The following SLC19A1 variants were observed in gnomAD, a reference collection of about 807,000 sequenced individuals.
SLC19A1 encodes the protein reduced folate transporter.
In SLC19A1, 37 loss-of-function variants were observed where a neutral mutation model predicts 35.3. The ratio of observed to expected loss-of-function variants is 1.05; its 90% CI spans 0.81 to 1.38. The LOEUF (loss-of-function observed/expected upper bound fraction) is 1.38, where lower values mean the gene tolerates loss of function less well. Among genes scored for constraint, SLC19A1 ranks in the 40% most tolerant of loss-of-function variants. The probability of loss-of-function intolerance (pLI) is 0.00; values close to 1 mark genes in which losing one functional copy is unlikely to be tolerated. For missense variants in SLC19A1, 831 were observed against 826.9 expected (o/e 1.00, Z -0.06); for synonymous variants, 460 against 398.5 (o/e 1.15, Z -1.84).
intron 1 of SLC19A1, among the ~76,000 whole-genome samples, chr21:45,556,381 C>T (rs1326783444): frequency 3.3e-5 from 5 of 152,230 alleles, no homozygotes; most frequent in African/African-American, 4.8e-5. Context: ...GAGCCAGACC[C>T]GCTCGTCAGC....
intron 1 of SLC19A1, among the ~76,000 whole-genome samples, chr21:45,554,636 G>T (rs1181777603): frequency 6.8e-6 from 1 of 146,272 alleles, no homozygotes; most frequent in Non-Finnish European, 1.5e-5. Context: ...GGGCAGCGGC[G>T]TGGAAACTTC....
chr21:45,532,214 C>T (rs1271469017), intron 2 of SLC19A1, 66 bp from the exon 3 acceptor site: 15 of 1,373,292 alleles, frequency 1.1e-5, no homozygotes, highest in East Asian at 2.3e-5. Context: ...AGACACAGCC[C>T]GCCCGAGGTG....
chr21:45,520,447 C>CA (rs1410262601), intron 5 of SLC19A1, among the ~76,000 whole-genome samples: 1 of 152,042 alleles, frequency 6.6e-6, no homozygotes, highest in Non-Finnish European at 1.5e-5. Context: ...AAACAAAGGC[C>CA]AAAAAATGGA....
chr21:45,504,603 G>C, intron 3 of SLC19A1: 1 of 1,530,128 alleles, frequency 6.5e-7, no homozygotes, highest in Non-Finnish European at 8.8e-7. Context: ...AGGGGTCTGG[G>C]TGCAGGAGCC....
chr21:45,515,213 A>G lies in SLC19A1; in HGVS notation c.*445T>C. ...AAAAGCAAGAGCACCAAGGATGACC[A>G]GCAATGTCACAGCTCAGCTACACCT... is the stretch of plus-strand genomic sequence containing the variant. On this transcript the variant is annotated 3_prime_UTR_variant, in exon 6 of 6. Coordinates refer to ENST00000311124, the MANE Select transcript of SLC19A1 (RefSeq NM_194255.4). 7.3e-6 allele frequency: 11 copies of G among 1,515,698 alleles called. No homozygotes were observed. The highest frequency in any genetic ancestry group is 9.6e-6 in the Non-Finnish European group (11 of 1,140,232). 93.9% of individuals were successfully genotyped at this position (1,515,698 alleles called of 1,614,324 possible).
At chr21:45,521,683 C>G (rs553121093) in intron 5 of SLC19A1, among the ~76,000 whole-genome samples, 2 of 152,146 alleles carry the variant, frequency 1.3e-5, no homozygotes, top group African/African-American at 4.8e-5. Context: ...TTCAATGGAA[C>G]AGGATAAAAA....
At chr21:45,555,057 C>A (rs2078530101) in intron 1 of SLC19A1, among the ~76,000 whole-genome samples, 1 of 149,844 alleles carries the variant, frequency 6.7e-6, no homozygotes, top group South Asian at 2.1e-4. Context: ...CGGGTTTCCC[C>A]GACGCAACGC....
chr21:45,505,044 G>T (rs1335756533), intron 3 of SLC19A1: 1 of 1,514,590 alleles, frequency 6.6e-7, no homozygotes, highest in East Asian at 2.4e-5. Flanking sequence ...GCTCGCCAAG[G>T]GGGTCTTGGC....
At chr21:45,531,367 T>G in intron 3 of SLC19A1, 22 bp downstream of exon 3, 2 of 1,545,402 alleles carry the variant, frequency 1.3e-6, no homozygotes, top group East Asian at 4.5e-5. Flanking sequence ...GGAAGAAGCC[T>G]CGGGGACCAG....
chr21:45,542,156 T>C (rs1337160777), intron 1 of SLC19A1, among the ~76,000 whole-genome samples: 1 of 33,974 alleles, frequency 2.9e-5, no homozygotes, highest in Non-Finnish European at 5.8e-5. Context: ...CCCCGCACCC[T>C]CCCCAGGGCC....
downstream of SLC19A1, among the ~76,000 whole-genome samples, chr21:45,508,177 AGATG>A (rs1225471306): frequency 2.1e-5 from 3 of 139,648 alleles, no homozygotes; most frequent in Admixed American, 7.1e-5. Flanking sequence ...GTAGCTGGGG[AGATG>A]GATGGATGGT....
Position 45,534,453 on chromosome 21 carries a change from T to G in SLC19A1, c.190-2305A>C. On this transcript the variant is annotated intron_variant, in intron 2 of 5. Coordinates refer to ENST00000311124, the MANE Select transcript of SLC19A1 (RefSeq NM_194255.4). The surrounding 1 kb of genome is among the most constrained non-coding windows in gnomAD (Gnocchi z 4.2). ...TTCTGCCCACAGCCCAGAGTCAAAATGGTAGACAGCCAGCAGAGAGGCTCT... is the reference window on the plus strand; with the variant it reads ...TTCTGCCCACAGCCCAGAGTCAAAAGGGTAGACAGCCAGCAGAGAGGCTCT... 9.0e-7 allele frequency: 1 copy of G among 1,107,748 alleles called. No homozygotes were observed. The highest frequency in any genetic ancestry group is 1.3e-6 in the Non-Finnish European group (1 of 764,312). 68.6% of individuals were successfully genotyped at this position (1,107,748 alleles called of 1,614,324 possible).
chr21:45,535,209 A>G (rs1294003828), intron 2 of SLC19A1, among the ~76,000 whole-genome samples: 2 of 152,176 alleles, frequency 1.3e-5, no homozygotes, highest in Admixed American at 1.3e-4. Flanking sequence ...TGCAGCTCCC[A>G]CCACACAGCA....
chr21:45,510,961 AT>A (rs796720849), downstream of SLC19A1: 45 of 25,392 alleles, frequency 1.8e-3, 2 homozygotes, highest in African/African-American at 5.6e-3. Context: ...AACACCCCAC[AT>A]ACACCCCCAA....
chr21:45,547,185 T>G (rs757095944), upstream of SLC19A1, among the ~76,000 whole-genome samples: 2 of 152,208 alleles, frequency 1.3e-5, no homozygotes, highest in Non-Finnish European at 2.9e-5. Flanking sequence ...AATGTGTAAG[T>G]TCTCTATACC....
intron 3 of SLC19A1, chr21:45,504,130 G>A (rs568117850): frequency 5.3e-5 from 80 of 1,505,952 alleles, no homozygotes; most frequent in East Asian, 2.0e-4. Flanking sequence ...CCAATTTCTC[G>A]CCCCATCCGG....
chr21:45,531,426 G>C lies in SLC19A1; in HGVS notation c.912C>G (p.Val304=). Residue 304 remains valine, a synonymous_variant, in exon 3 of 6, where the codon GTC becomes GTG. Transcript: ENST00000311124. ...AGGCAGCATCTGCCGCGCCGTTGTA[G>C]ACCCGCGCACTGTTGGTGGTGGGGT... is the stretch of plus-strand genomic sequence containing the variant. ...EVDPTTNSAR[V]YNGAADAAST... is the part of the protein sequence containing the mutation. 1 of 1,606,418 alleles carries C rather than the reference G, an allele frequency of 6.2e-7. No individual in the cohort carries two copies. Among genetic ancestry groups the C allele is most frequent in the Non-Finnish European group, 8.5e-7 (1 of 1,176,360 alleles).
At chr21:45,503,815 TAAAAA>T (rs1265739303) in intron 3 of SLC19A1, 1 of 368,194 alleles carries the variant, frequency 2.7e-6, no homozygotes, top group Non-Finnish European at 4.8e-6. Context: ...AAAAATAAAA[TAAAAA>T]TAAAAAGGCA....
At position 45,513,665 on chromosome 21, in the gene SLC19A1, T is replaced by G. The variant is rs1339095645; in HGVS notation, c.*1993A>C. The G allele has an allele frequency of 1.3e-5, 2 of 152,210 alleles. No individual in the cohort carries two copies. The highest frequency in any genetic ancestry group is 2.4e-5 in the African/African-American group (1 of 41,450). 9.4% of individuals were successfully genotyped at this position (152,210 alleles called of 1,614,324 possible). On this transcript the variant is annotated 3_prime_UTR_variant, in exon 6 of 6. Coordinates refer to ENST00000311124, the MANE Select transcript of SLC19A1 (RefSeq NM_194255.4). Reference sequence around the variant, plus strand: ...AAACCGGTGGGGCTGGTTCTGTAATTGTGTGTGATGTGAAGCCAATTCAGA... The same window carrying G: ...AAACCGGTGGGGCTGGTTCTGTAATGGTGTGTGATGTGAAGCCAATTCAGA...
Sources: gnomAD v4.1 joint callset for allele counts (sites outside exome capture counted in the v4.1 genomes callset) on GRCh38, gnomAD v4.1.1 for gene constraint, Gnocchi (gnomAD v3.1) non-coding constraint, MANE v1.5 for transcripts, NCBI Gene and HGNC (gene_info 2026-07-23, HGNC 2026-07-21) for gene names.